The following KCNQ5 variants were observed in gnomAD, a reference collection of about 807,000 sequenced individuals.
KCNQ5 encodes the protein potassium voltage-gated channel subfamily KQT member 5.
In KCNQ5, 30 loss-of-function variants were observed where a neutral mutation model predicts 98.2. The observed-to-expected ratio is 0.31, with a 90% CI of 0.23 to 0.41. The LOEUF (loss-of-function observed/expected upper bound fraction) is 0.41. Among genes scored for constraint, KCNQ5 ranks in the 10% least tolerant of loss-of-function variants. The pLI is 1.00. For missense variants in KCNQ5, 835 were observed against 1,182.5 expected, an observed-to-expected ratio of 0.71 and a Z score of 4.31; for synonymous variants, 458 against 449.4, an observed-to-expected ratio of 1.02 and a Z score of -0.24.
At chr6:72,853,295 A>G (rs1209979174) in intron 1 of KCNQ5, among the ~76,000 whole-genome samples, 1 of 152,092 alleles carries the variant, frequency 6.6e-6, no homozygotes, top group Admixed American at 6.6e-5. Flanking sequence ...CCCTCTTTCT[A>G]AATTTGAACT....
intron 2 of KCNQ5, among the ~76,000 whole-genome samples, chr6:73,019,376 T>C (rs775260086): frequency 1.3e-5 from 2 of 152,198 alleles, no homozygotes; most frequent in African/African-American, 4.8e-5. Context: ...AATGTATATA[T>C]GGCATTGTGG....
At chr6:73,168,680 C>G (rs566177151) in intron 10 of KCNQ5, among the ~76,000 whole-genome samples, 1 of 151,750 alleles carries the variant, frequency 6.6e-6, no homozygotes, top group East Asian at 1.9e-4. Context: ...CCACTGCACT[C>G]CAGCCTGAGC....
rs1286993893 is a variant in KCNQ5, at chr6:73,197,577, GCATACACA to G, written c.*2166_*2173del. 1 of 106,932 alleles carries G rather than the reference GCATACACA, an allele frequency of 9.4e-6. No individual in the cohort carries two copies. The allele number at this position is 106,932 out of a possible 1,614,324, so 6.6% of individuals were successfully genotyped here. A position where few individuals can be genotyped will look rare whatever the true frequency, so the allele number is the denominator to read the frequency against. On this transcript the variant is annotated 3_prime_UTR_variant, in exon 14 of 14. Transcript: ENST00000370398. Reference sequence around the variant, plus strand: ...TGTGATTCCCCCTTGCAAGAATGTTGCATACACACACACACACACACACACACACACAC... The same window carrying G: ...TGTGATTCCCCCTTGCAAGAATGTTGCACACACACACACACACACACACAC...
At chr6:72,633,964 C>T (rs79932107) in intron 1 of KCNQ5, among the ~76,000 whole-genome samples, 7,995 of 152,232 alleles carry the variant, frequency 0.053, 652 homozygotes, top group African/African-American at 0.18. Flanking sequence ...GTTTTCTCAA[C>T]ATCAGCCTTG....
intron 1 of KCNQ5, among the ~76,000 whole-genome samples, chr6:72,772,676 T>C (rs1327451658): frequency 6.6e-6 from 1 of 152,170 alleles, no homozygotes; most frequent in Admixed American, 6.6e-5. Context: ...ACAAGATGTA[T>C]TGAAGGGCTG....
intron 1 of KCNQ5, among the ~76,000 whole-genome samples, chr6:72,710,360 A>G (rs1769300853): frequency 1.3e-5 from 2 of 152,228 alleles, no homozygotes; most frequent in Admixed American, 6.5e-5. Flanking sequence ...AAATTATCCA[A>G]TCAAAAGGCA....
At chr6:73,100,252 T>A in intron 5 of KCNQ5, among the ~76,000 whole-genome samples, 1 of 151,674 alleles carries the variant, frequency 6.6e-6, no homozygotes, top group African/African-American at 2.4e-5. Context: ...GAAGAAAAAC[T>A]TCAAATAAAC....
chr6:72,997,560 G>C (rs1562118405), intron 1 of KCNQ5, among the ~76,000 whole-genome samples: 2 of 151,300 alleles, frequency 1.3e-5, no homozygotes, highest in Non-Finnish European at 2.9e-5. Context: ...CGGATCACGA[G>C]GTCAGAAGAT....
intron 1 of KCNQ5, among the ~76,000 whole-genome samples, chr6:72,829,135 G>A (rs984339882): frequency 2.6e-5 from 4 of 152,028 alleles, no homozygotes; most frequent in African/African-American, 9.7e-5. Context: ...CAGTACTGTG[G>A]CTCTCCAGAG....
intron 1 of KCNQ5, among the ~76,000 whole-genome samples, chr6:72,782,574 T>A (rs1773542148): frequency 6.6e-6 from 1 of 152,176 alleles, no homozygotes; most frequent in Non-Finnish European, 1.5e-5. Flanking sequence ...AGAACGCAGA[T>A]CATAAGCTCA....
At chr6:73,174,209 C>T (rs1778124581) in intron 11 of KCNQ5, among the ~76,000 whole-genome samples, 1 of 151,986 alleles carries the variant, frequency 6.6e-6, no homozygotes, top group Admixed American at 6.6e-5. Flanking sequence ...TGAAGCAGCT[C>T]TGGTCCTCAG....
chr6:72,899,850 CT>C lies in KCNQ5; in HGVS notation c.399-104047del, dbSNP rs559619517. Among the ~76,000 whole-genome samples the C allele has an allele frequency of 6.1e-3, 874 of 142,624 alleles. 9 individuals are homozygous for C. The highest frequency in any genetic ancestry group is 0.021 in the Admixed American group (304 of 14,268). The allele number at this position is 142,624 out of a possible 152,430, so 93.6% of individuals were successfully genotyped here. A position where few individuals can be genotyped will look rare whatever the true frequency, so the allele number is the denominator to read the frequency against. On this transcript the variant is annotated intron_variant, in intron 1 of 13. Coordinates refer to ENST00000370398, the MANE Select transcript of KCNQ5 (RefSeq NM_019842.4). ...CAAAGTCCACTGTATCATTCTTTCTCTTTTTTTTTTTCTGAGACAGAGTCTC... is the reference window on the plus strand; with the variant it reads ...CAAAGTCCACTGTATCATTCTTTCTCTTTTTTTTTTCTGAGACAGAGTCTC...
At position 72,843,581 on chromosome 6, in the gene KCNQ5, C is replaced by A. The variant is rs570893934; in HGVS notation, c.399-160327C>A. On this transcript the variant is annotated intron_variant, in intron 1 of 13. Transcript: ENST00000370398. Reference sequence around the variant, plus strand: ...CTATAAGTTACTTTGGGCAGTATGGCCATTTTCACGATATTGATTCTTCCT... The same window carrying A: ...CTATAAGTTACTTTGGGCAGTATGGACATTTTCACGATATTGATTCTTCCT... Among the ~76,000 whole-genome samples the A allele has an allele frequency of 1.1e-3, 162 of 152,208 alleles. 1 individual carries two copies. Among genetic ancestry groups the A allele is most frequent in the African/African-American group, 3.7e-3 (153 of 41,532 alleles).
At position 72,622,325 on chromosome 6, in the gene KCNQ5, G is replaced by C; in HGVS notation, c.136G>C (p.Val46Leu). ...GGATGTGGAGTCCGGCCGGGGCAGG[G>C]TGCTGCTGAACTCGGCAGCCGCCAG... ...MKDVESGRGR[V>L]LLNSAAARGD... Residue 46 changes from valine (V) to leucine (L), a missense_variant, in exon 1 of 14, where the codon GTG (valine) becomes CTG (leucine). This residue lies in a region of KCNQ5 where 80 missense variants were observed against 72.3 expected (regional missense o/e 1.11). Transcript: ENST00000370398. The surrounding 1 kb of genome is among the most constrained non-coding windows in gnomAD (Gnocchi z 6.0). The C allele has an allele frequency of 7.1e-7, 1 of 1,415,720 alleles. No individual in the cohort carries two copies. Among genetic ancestry groups the C allele is most frequent in the Admixed American group, 3.2e-5 (1 of 31,072 alleles). The allele number at this position is 1,415,720 out of a possible 1,614,324, so 87.7% of individuals were successfully genotyped here. A position where few individuals can be genotyped will look rare whatever the true frequency, so the allele number is the denominator to read the frequency against.
intron 1 of KCNQ5, among the ~76,000 whole-genome samples, chr6:72,999,992 C>T (rs994515413): frequency 2.3e-4 from 35 of 151,982 alleles, no homozygotes; most frequent in African/African-American, 8.0e-4. Context: ...GTTCACTACC[C>T]CCTAAATTTT....
At chr6:73,143,584 GTGTGTGC>G (rs1240829105) in intron 10 of KCNQ5, 3 of 152,232 alleles carry the variant, frequency 2.0e-5, no homozygotes, top group Non-Finnish European at 4.4e-5. Context: ...TGAGGTTTAT[GTGTGTGC>G]TCCATAGCGG....
chr6:72,846,781 A>G (rs2150138276), intron 1 of KCNQ5, among the ~76,000 whole-genome samples: 1 of 152,322 alleles, frequency 6.6e-6, no homozygotes, highest in Non-Finnish European at 1.5e-5. Context: ...AATGGTGAAA[A>G]TGTGCCAATT....
chr6:72,954,732 C>G (rs1467931600), intron 1 of KCNQ5, among the ~76,000 whole-genome samples: 1 of 152,148 alleles, frequency 6.6e-6, no homozygotes, highest in Non-Finnish European at 1.5e-5. Flanking sequence ...CAGCCCTTCC[C>G]CAAACAGACT....
At chr6:73,067,214 G>A (rs999841393) in intron 3 of KCNQ5, among the ~76,000 whole-genome samples, 2 of 151,928 alleles carry the variant, frequency 1.3e-5, no homozygotes, top group African/African-American at 4.8e-5. Context: ...AGAGAAACAC[G>A]GGAAAAAAAT....
Sources: gnomAD v4.1 joint callset for allele counts (sites outside exome capture counted in the v4.1 genomes callset) on GRCh38, gnomAD v4.1.1 for gene constraint, gnomAD v4.1.1 regional missense constraint, Gnocchi (gnomAD v3.1) non-coding constraint, MANE v1.5 for transcripts, NCBI Gene and HGNC (gene_info 2026-07-23, HGNC 2026-07-21) for gene names.